CERT1: variants seen among roughly 807,000 people sequenced by gnomAD.
CERT1 encodes the protein ceramide transfer protein.
Under a neutral mutation model 87.9 loss-of-function variants are expected in CERT1, and 31 were observed. The ratio of observed to expected loss-of-function variants is 0.35; its 90% confidence interval spans 0.27 to 0.48. CERT1 has a LOEUF of 0.48. Ranked by LOEUF, CERT1 falls within the 20% of genes least tolerant of loss-of-function variation. The pLI is 0.99. For synonymous variants in CERT1, 289 were observed against 250.9 expected, an observed-to-expected ratio of 1.15 and a Z score of -1.44; for missense variants, 487 against 758.0, an observed-to-expected ratio of 0.64 and a Z score of 4.20.
chr5:75,455,046 C>G (rs1449921600), intron 3 of CERT1, among the ~76,000 whole-genome samples: 1 of 152,182 alleles, frequency 6.6e-6, no homozygotes, highest in Non-Finnish European at 1.5e-5. Flanking sequence ...TGCTGCCGGT[C>G]TGAACCACTA....
chr5:75,471,420 T>C (rs1395438291), intron 2 of CERT1, among the ~76,000 whole-genome samples: 3 of 152,154 alleles, frequency 2.0e-5, no homozygotes, highest in East Asian at 3.8e-4. Flanking sequence ...CATTAGGTGA[T>C]AGATAATCTT....
At chr5:75,470,638 A>C (rs949567394) in intron 2 of CERT1, among the ~76,000 whole-genome samples, 1 of 152,216 alleles carries the variant, frequency 6.6e-6, no homozygotes, top group Admixed American at 6.5e-5. Context: ...GGCCATATGC[A>C]ACAACTCACA....
intron 3 of CERT1, among the ~76,000 whole-genome samples, chr5:75,437,857 T>G (rs528151267): frequency 3.3e-4 from 50 of 151,964 alleles, no homozygotes; most frequent in African/African-American, 1.2e-3. Flanking sequence ...GAGGGTTCAT[T>G]ATGCCAGTAA....
chr5:75,384,651 T>C lies in CERT1; in HGVS notation c.1479A>G (p.Gln493=), dbSNP rs1379278057. 3 of 1,603,064 alleles carry C rather than the reference T, an allele frequency of 1.9e-6. No individual in the cohort carries two copies. Among genetic ancestry groups the C allele is most frequent in the South Asian group, 1.1e-5 (1 of 90,738 alleles). Residue 493 remains glutamine (Q), a synonymous_variant, in exon 14 of 17, where the codon CAA becomes CAG. Transcript: ENST00000643780. ...TLADNAIIIY[Q]THKRVWPASQ... ...ATGAAGAGATCTTTACCTTGTGTGT[T>C]TGATAAATGATGATTGCATTATCAG...
chr5:75,476,002 T>G (rs1347342891), intron 2 of CERT1, among the ~76,000 whole-genome samples: 3 of 152,306 alleles, frequency 2.0e-5, no homozygotes, highest in Non-Finnish European at 2.9e-5. Context: ...CAAATGTCAG[T>G]TATATGCTTT....
Position 75,382,054 on chromosome 5 carries a change from T to C in CERT1, c.1512A>G (p.Arg504=). The change falls in exon 15 of 17, where the codon CGA becomes CGG. Residue 504 remains arginine, a synonymous_variant. Transcript: ENST00000643780. ...THKRVWPASQ[R]DVLYLSVIRK... ...GAATGACAGAAAGATATAATACGTC[T>C]CGCTGAGAAGCAGGCCACACCCTCT... The C allele has an allele frequency of 6.2e-7, 1 of 1,614,022 alleles. No homozygotes were observed. The highest frequency in any genetic ancestry group is 2.2e-5 in the East Asian group (1 of 44,842).
At chr5:75,441,344 T>C (rs1171343804) in intron 3 of CERT1, among the ~76,000 whole-genome samples, 2 of 152,158 alleles carry the variant, frequency 1.3e-5, no homozygotes, top group Non-Finnish European at 2.9e-5. Flanking sequence ...CTCTATGATG[T>C]TTGCACAACA....
intron 2 of CERT1, among the ~76,000 whole-genome samples, chr5:75,498,127 T>C (rs1580857977): frequency 6.6e-6 from 1 of 152,210 alleles, no homozygotes; most frequent in African/African-American, 2.4e-5. Context: ...TATGGAACTT[T>C]GAACTTGAAA....
At chr5:75,503,884 A>T in intron 2 of CERT1, among the ~76,000 whole-genome samples, 1 of 151,550 alleles carries the variant, frequency 6.6e-6, no homozygotes, top group African/African-American at 2.4e-5. Flanking sequence ...TGTTTAATTT[A>T]AATTAAACAT....
intron 3 of CERT1, among the ~76,000 whole-genome samples, chr5:75,429,811 C>T (rs116017429): frequency 0.015 from 2,140 of 140,384 alleles, 47 homozygotes; most frequent in African/African-American, 0.052. Flanking sequence ...CTATCAGAAA[C>T]TAGATAAGTT....
rs1765652426 is a variant in CERT1 at position 75,470,359 on chromosome 5, A to C, written c.232-11178T>G. On this transcript the variant is annotated intron_variant, in intron 2 of 16. Transcript: ENST00000643780. ...CATATAGAGTATCTTTTCTGACCAC[A>C]ATGGTATAAAACTAGAAGTCAATAA... Among the ~76,000 whole-genome samples the C allele has an allele frequency of 2.6e-5, 4 of 152,194 alleles. No homozygotes were observed. In the South Asian group the frequency reaches 8.3e-4, roughly 31 times the overall value.
chr5:75,388,097 T>C (rs1271880931), intron 12 of CERT1, among the ~76,000 whole-genome samples: 1 of 152,176 alleles, frequency 6.6e-6, no homozygotes, highest in Non-Finnish European at 1.5e-5. Context: ...CCTGCTTCTG[T>C]AGTGAAGGTT....
chr5:75,507,069 TTTTA>T (rs1767683167), intron 1 of CERT1, among the ~76,000 whole-genome samples: 1 of 152,198 alleles, frequency 6.6e-6, no homozygotes, highest in Admixed American at 6.5e-5. Context: ...CTGAGAAATC[TTTTA>T]TTTTTCTGTT....
chr5:75,444,642 G>T (rs1224346131), intron 3 of CERT1, among the ~76,000 whole-genome samples: 2 of 150,988 alleles, frequency 1.3e-5, no homozygotes, highest in African/African-American at 4.9e-5. Context: ...CACCTCCTGG[G>T]TTCAAGAGAT....
At chr5:75,402,633 C>A in intron 9 of CERT1, 1 of 175,584 alleles carries the variant, frequency 5.7e-6, no homozygotes, top group South Asian at 1.2e-4. Flanking sequence ...CCCGTCTCTA[C>A]TAAAAACACA....
intron 3 of CERT1, among the ~76,000 whole-genome samples, chr5:75,434,033 T>C (rs1255352585): frequency 6.6e-6 from 1 of 152,262 alleles, no homozygotes; most frequent in Non-Finnish European, 1.5e-5. Context: ...TTATGTTCAA[T>C]AGGAGTGGTG....
At position 75,454,795 on chromosome 5, in the gene CERT1, G is replaced by A. The variant is rs1764907347; in HGVS notation, c.348+4270C>T. Among the ~76,000 whole-genome samples, 4 of 152,220 alleles carry A rather than the reference G, an allele frequency of 2.6e-5. No individual in the cohort carries two copies. In the South Asian group the frequency reaches 6.2e-4, roughly 24 times the overall value. ...TGGAAAGGTGAAAAAACTCAATTAA[G>A]TGGATGCCTCATGAGCTGAGTGAAA... is the stretch of plus-strand genomic sequence containing the variant. On this transcript the variant is annotated intron_variant, in intron 3 of 16. Coordinates refer to ENST00000643780, the MANE Select transcript of CERT1 (RefSeq NM_001379029.1).
chr5:75,410,444 C>T (rs1762887189), intron 8 of CERT1, among the ~76,000 whole-genome samples: 2 of 151,836 alleles, frequency 1.3e-5, no homozygotes, highest in African/African-American at 4.8e-5. Context: ...CCCGTCTCTA[C>T]TAAAAATACA....
At chr5:75,381,924 T>A in intron 15 of CERT1, 25 bp downstream of exon 15, 21 of 1,597,448 alleles carry the variant, frequency 1.3e-5, no homozygotes, top group Non-Finnish European at 1.8e-5. Flanking sequence ...TGTTTAATTA[T>A]ACACATTTAT....
Sources: gnomAD v4.1 joint callset for allele counts (sites outside exome capture counted in the v4.1 genomes callset) on GRCh38, gnomAD v4.1.1 for gene constraint, MANE v1.5 for transcripts, NCBI Gene and HGNC (gene_info 2026-07-23, HGNC 2026-07-21) for gene names.